DNAH8: variants seen among roughly 807,000 people sequenced by gnomAD.
DNAH8 encodes dynein axonemal heavy chain 8, also known as axonemal beta dynein heavy chain 8.
Under a neutral mutation model 562.1 loss-of-function variants are expected in DNAH8, and 382 were observed. The ratio of observed to expected loss-of-function variants is 0.68; its 90% CI spans 0.63 to 0.74. The LOEUF is 0.74. DNAH8 is among the 30% of genes least tolerant of loss of function. The pLI, the probability that DNAH8 is intolerant of heterozygous loss-of-function variation, is 0.00. For synonymous variants in DNAH8, 1,881 were observed against 1,919.4 expected, an observed-to-expected ratio of 0.98 and a Z score of 0.52; for missense variants, 5,203 against 5,620.4, an observed-to-expected ratio of 0.93 and a Z score of 2.37.
At chr6:38,772,774 G>A (rs995663230) in intron 12 of DNAH8, among the ~76,000 whole-genome samples, 2 of 151,778 alleles carry the variant, frequency 1.3e-5, no homozygotes, top group African/African-American at 4.8e-5. Flanking sequence ...AGGAAGTGTT[G>A]TGTGGGGCTG....
At chr6:38,986,033 T>C (rs1764371412) in intron 87 of DNAH8, among the ~76,000 whole-genome samples, 1 of 152,248 alleles carries the variant, frequency 6.6e-6, no homozygotes, top group Admixed American at 6.5e-5. Context: ...GGCATACTAT[T>C]GCTCACCCTT....
At chr6:38,915,428 G>A in intron 68 of DNAH8, 51 bp downstream of exon 68, 8 of 1,356,448 alleles carry the variant, frequency 5.9e-6, no homozygotes, top group Non-Finnish European at 6.7e-6. Context: ...AAGGCTTCAT[G>A]TTTCATTACA....
chr6:38,762,690 C>T (rs1338275428), intron 11 of DNAH8, among the ~76,000 whole-genome samples: 1 of 152,212 alleles, frequency 6.6e-6, no homozygotes, highest in Non-Finnish European at 1.5e-5. Context: ...AGGAAGGCTC[C>T]ATCTGGAAGT....
intron 33 of DNAH8, among the ~76,000 whole-genome samples, chr6:38,839,162 A>G (rs1210311594): frequency 1.3e-5 from 2 of 152,196 alleles, no homozygotes; most frequent in East Asian, 3.9e-4. Context: ...GGGTCCCAGA[A>G]AATCTGCATT....
intron 8 of DNAH8, among the ~76,000 whole-genome samples, chr6:38,744,976 G>T (rs1764811832): frequency 6.6e-6 from 1 of 152,090 alleles, no homozygotes. Flanking sequence ...TGACTCCTGG[G>T]CATCTCTGCA....
chr6:38,883,431 C>A lies in DNAH8; in HGVS notation c.8111C>A (p.Ser2704Tyr), dbSNP rs751647473. 6 of 1,612,344 alleles carry A rather than the reference C, an allele frequency of 3.7e-6. No individual in the cohort carries two copies. In the East Asian group the frequency reaches 1.1e-4, roughly 30 times the overall value. Reference protein sequence around the residue: ...VQLSKSLNFSSATEPMMFQRT... With the variant: ...VQLSKSLNFSYATEPMMFQRT... Reference sequence around the variant, plus strand: ...CTATCCAAAAGTCTAAACTTTTCATCTGCCACAGAACCAATGATGTTTCAG... The same window carrying A: ...CTATCCAAAAGTCTAAACTTTTCATATGCCACAGAACCAATGATGTTTCAG... Residue 2704 changes from serine (S) to tyrosine (Y), a missense_variant, in exon 55 of 93, where the codon TCT becomes TAT. Coordinates refer to ENST00000327475, the MANE Select transcript of DNAH8 (RefSeq NM_001206927.2).
rs185460426 is a variant in DNAH8, at chr6:38,949,583, A to T, written c.12248+13A>T. On this transcript the variant is annotated intron_variant, in intron 81 of 92. Transcript: ENST00000327475. ...TTTTACTTATCAGGTGAGAACAGGC[A>T]TTATCAGACCTAGAAGCATCACTCA... 34 of 1,414,954 alleles carry T rather than the reference A, an allele frequency of 2.4e-5. No homozygotes were observed. Among genetic ancestry groups the T allele is most frequent in the Non-Finnish European group, 3.4e-5 (34 of 999,360 alleles). 87.6% of individuals were successfully genotyped at this position (1,414,954 alleles called of 1,614,324 possible). A position where few individuals can be genotyped will look rare whatever the true frequency, so the allele number is the denominator to read the frequency against.
chr6:38,961,024 T>G (rs1762574548), intron 82 of DNAH8, among the ~76,000 whole-genome samples: 1 of 152,018 alleles, frequency 6.6e-6, no homozygotes, highest in Admixed American at 6.6e-5. Flanking sequence ...TGGCATTATG[T>G]CATTTGTGAC....
chr6:38,872,564 G>A lies in DNAH8; in HGVS notation c.7019G>A (p.Gly2340Asp). The change falls in exon 50 of 93, where the codon GGC (glycine) becomes GAC (aspartate). Residue 2340 changes from glycine to aspartate, a missense_variant. Coordinates refer to ENST00000327475, the MANE Select transcript of DNAH8 (RefSeq NM_001206927.2). ...TATGAGACGTCTTTGGTACGGCATG[G>A]CTTGATGACTCTTGGGCCCAGTGGT... is the stretch of plus-strand genomic sequence containing the variant. ...QLYETSLVRH[G>D]LMTLGPSGSG... 6.2e-7 allele frequency: 1 copy of A among 1,614,070 alleles called. No homozygotes were observed. The highest frequency in any genetic ancestry group is 8.5e-7 in the Non-Finnish European group (1 of 1,179,936).
intron 88 of DNAH8, among the ~76,000 whole-genome samples, chr6:38,999,461 A>G (rs148712721): frequency 8.5e-5 from 13 of 152,070 alleles, no homozygotes; most frequent in African/African-American, 2.9e-4. Flanking sequence ...CTTAGCATGA[A>G]TGGAAATTTA....
intron 87 of DNAH8, 45 bp downstream of exon 87, chr6:38,984,352 T>C (rs750614927): frequency 3.8e-6 from 5 of 1,313,942 alleles, no homozygotes; most frequent in Admixed American, 3.4e-5. Context: ...CATTTCACTG[T>C]ATTTTCCAAT....
intron 10 of DNAH8, among the ~76,000 whole-genome samples, chr6:38,759,365 A>G (rs183591351): frequency 3.7e-4 from 57 of 152,300 alleles, no homozygotes; most frequent in Non-Finnish European, 7.1e-4. Context: ...AAAAACCCAC[A>G]TGAATAGAAT....
intron 41 of DNAH8, among the ~76,000 whole-genome samples, chr6:38,854,971 T>A (rs9380788): frequency 0.41 from 60,288 of 147,974 alleles, 13,504 homozygotes; most frequent in East Asian, 0.84. Context: ...TATATAATAC[T>A]ATATATATAA....
chr6:38,813,274 T>G (rs900453796), intron 24 of DNAH8, among the ~76,000 whole-genome samples: 2 of 152,230 alleles, frequency 1.3e-5, no homozygotes, highest in Non-Finnish European at 2.9e-5. Context: ...TGAGGGGTTT[T>G]GTTTGCTTGC....
chr6:38,742,928 T>C (rs554023548), intron 8 of DNAH8, among the ~76,000 whole-genome samples: 1 of 151,494 alleles, frequency 6.6e-6, no homozygotes, highest in East Asian at 1.9e-4. Context: ...TCCCCACCCC[T>C]GATAGTATAT....
intron 79 of DNAH8, 69 bp downstream of exon 79, chr6:38,939,057 T>C: frequency 8.1e-7 from 1 of 1,237,726 alleles, no homozygotes; most frequent in Non-Finnish European, 1.1e-6. Context: ...TGATATACCA[T>C]AAACCCATTT....
At chr6:38,716,481 C>T (rs1762357536) in intron 1 of DNAH8, 1 of 152,188 alleles carries the variant, frequency 6.6e-6, no homozygotes, top group Non-Finnish European at 1.5e-5. Flanking sequence ...CTCCCATCCT[C>T]TCCTGACAAC....
rs746300876 is a variant in DNAH8 at position 38,737,182 on chromosome 6, A to G, written c.878A>G (p.Asn293Ser). Residue 293 changes from asparagine to serine, a missense_variant, in exon 6 of 93, where the codon AAC becomes AGC. By Grantham distance (46) the Asn-to-Ser change is conservative. Around this residue, in one of 6 missense-constraint regions of DNAH8, gnomAD observed 556 missense variants for 496.9 expected, o/e 1.12. Transcript: ENST00000327475. ...GCAACAAACAACTGGGGTGCTTTAA[A>G]CCAGTCCAAGCAGGGAGAATCTGAA... ...VLATNNWGAL[N>S]QSKQGESEKH... 6.4e-7 allele frequency: 1 copy of G among 1,570,488 alleles called. No individual in the cohort carries two copies. Among genetic ancestry groups the G allele is most frequent in the Non-Finnish European group, 8.6e-7 (1 of 1,160,120 alleles).
At chr6:39,013,418 A>G (rs1766359206) in intron 91 of DNAH8, among the ~76,000 whole-genome samples, 1 of 152,216 alleles carries the variant, frequency 6.6e-6, no homozygotes, top group Non-Finnish European at 1.5e-5. Flanking sequence ...ATCTCATAAA[A>G]TAATGTTGAG....
Sources: gnomAD v4.1 joint callset for allele counts (sites outside exome capture counted in the v4.1 genomes callset) on GRCh38, gnomAD v4.1.1 for gene constraint, gnomAD v4.1.1 regional missense constraint, MANE v1.5 for transcripts, NCBI Gene and HGNC (gene_info 2026-07-23, HGNC 2026-07-21) for gene names.